WDR37: variants seen among roughly 807,000 people sequenced by gnomAD.
WDR37 encodes WD repeat domain 37.
A neutral mutation model predicts 62.9 loss-of-function variants in WDR37; 19 were observed. The ratio of observed to expected loss-of-function variants is 0.30; its 90% CI spans 0.21 to 0.44. WDR37 has a LOEUF of 0.44. Among genes scored for constraint, WDR37 ranks in the 20% least tolerant of loss-of-function variants. The pLI is 1.00. For synonymous variants in WDR37, 250 were observed against 260.9 expected (o/e 0.96, Z 0.40); for missense variants, 474 against 657.6 (o/e 0.72, Z 3.05).
In WDR37 at chr10:1,072,132, C is replaced by T. The variant is rs1308896575; in HGVS notation, c.-24C>T. 2.5e-6 allele frequency: 4 copies of T among 1,613,228 alleles called. No individual in the cohort carries two copies. Among genetic ancestry groups the T allele is most frequent in the Non-Finnish European group, 3.4e-6 (4 of 1,179,506 alleles). On this transcript the variant is annotated 5_prime_UTR_variant, in exon 2 of 14. Transcript: ENST00000263150. ...TGTTTTTAGCTTATTGCAGGAGTGA[C>T]CAGGACACTACCTCCTAGAAGTAAT... is the stretch of plus-strand genomic sequence containing the variant.
At chr10:1,091,217 GT>G (rs1315483898) in intron 7 of WDR37, among the ~76,000 whole-genome samples, 4 of 152,140 alleles carry the variant, frequency 2.6e-5, no homozygotes, top group Admixed American at 2.0e-4. Flanking sequence ...GCCCAGCTTC[GT>G]TTGTGATTAG....
chr10:1,117,739 C>T (rs1835450247), intron 11 of WDR37, among the ~76,000 whole-genome samples: 1 of 152,200 alleles, frequency 6.6e-6, no homozygotes, highest in Admixed American at 6.5e-5. Context: ...CTGCCTAAAG[C>T]GTCAGCTGAC....
intron 8 of WDR37, among the ~76,000 whole-genome samples, chr10:1,094,747 G>C (rs1478996965): frequency 6.6e-6 from 1 of 152,174 alleles, no homozygotes; most frequent in African/African-American, 2.4e-5. Flanking sequence ...TGGACATAGA[G>C]AGGGGAGAGT....
At chr10:1,107,023 G>T (rs1835044814) in intron 11 of WDR37, among the ~76,000 whole-genome samples, 1 of 152,238 alleles carries the variant, frequency 6.6e-6, no homozygotes, top group Non-Finnish European at 1.5e-5. Flanking sequence ...GATAGCCATA[G>T]TAATACAGAC....
In WDR37 at chr10:1,108,739, G is replaced by GC. The variant is rs3055726; in HGVS notation, c.1103+3484dup. Among the ~76,000 whole-genome samples the GC allele has an allele frequency of 3.3e-3, 371 of 111,884 alleles. 16 individuals are homozygous for GC. The highest frequency in any genetic ancestry group is 0.014 in the Middle Eastern group (3 of 220). The allele number at this position is 111,884 out of a possible 152,430, so 73.4% of individuals were successfully genotyped here. Reference sequence around the variant, plus strand: ...TTGCTTTGGTTTTGGCTTCTGTGATGCCCCCCCCCCCCGTGGAACCTGCAG... The same window carrying GC: ...TTGCTTTGGTTTTGGCTTCTGTGATGCCCCCCCCCCCCCGTGGAACCTGCAG... On this transcript the variant is annotated intron_variant, in intron 11 of 13. Transcript: ENST00000263150.
At position 1,131,584 on chromosome 10, in the gene WDR37, C is replaced by T. The variant is rs370107441; in HGVS notation, c.*2240C>T. On this transcript the variant is annotated 3_prime_UTR_variant, in exon 14 of 14. Transcript: ENST00000263150. The stretch of plus-strand genomic sequence containing the variant: ...GTGCTCAGGCAGAGCTCTCAGGAGC[C>T]GGGGCACCTTGCTGTTCGCTGCTGT... The T allele has an allele frequency of 1.2e-4, 18 of 152,184 alleles. No individual in the cohort carries two copies. Among genetic ancestry groups the T allele is most frequent in the African/African-American group, 3.9e-4 (16 of 41,420 alleles). The allele number at this position is 152,184 out of a possible 1,614,324, so 9.4% of individuals were successfully genotyped here.
intron 11 of WDR37, among the ~76,000 whole-genome samples, chr10:1,115,324 A>G (rs919078586): frequency 1.3e-5 from 2 of 152,248 alleles, no homozygotes; most frequent in African/African-American, 4.8e-5. Context: ...AAAGAAAACA[A>G]AACACACATC....
rs200599689 is a variant in WDR37, at chr10:1,069,391, T to TATATATA, written c.-40-2725_-40-2724insATATATA. ...AAAGAATATATATATATATATATAT[T>TATATATA]TTTTTTTTTTTTTTTTGCAGCAGGT... is the stretch of plus-strand genomic sequence containing the variant. On this transcript the variant is annotated intron_variant, in intron 1 of 13. Transcript: ENST00000263150. Among the ~76,000 whole-genome samples the TATATATA allele has an allele frequency of 7.2e-3, 331 of 45,874 alleles. 1 individual carries two copies. The highest frequency in any genetic ancestry group is 9.8e-3 in the Non-Finnish European group (264 of 27,026). The allele number at this position is 45,874 out of a possible 152,430, so 30.1% of individuals were successfully genotyped here.
chr10:1,098,198 A>T lies in WDR37; in HGVS notation c.726+1952A>T, dbSNP rs191369591. ...CTGAGAAAGTGGTTAAAGCAAAATG[A>T]GGTAGTGGAGGGGATGCCCTGATCC... On this transcript the variant is annotated intron_variant, in intron 9 of 13. Transcript: ENST00000263150. 2.7e-3 allele frequency among the ~76,000 whole-genome samples: 417 copies of T among 152,150 alleles called. 1 individual carries two copies. Among genetic ancestry groups the T allele is most frequent in the African/African-American group, 9.0e-3 (375 of 41,502 alleles).
intron 11 of WDR37, among the ~76,000 whole-genome samples, chr10:1,120,302 G>A (rs1443311695): frequency 6.6e-6 from 1 of 152,230 alleles, no homozygotes; most frequent in Non-Finnish European, 1.5e-5. Flanking sequence ...GAAGTTGCAG[G>A]AAGGGCTCTG....
intron 7 of WDR37, among the ~76,000 whole-genome samples, chr10:1,089,319 G>T (rs1834305051): frequency 6.6e-6 from 1 of 152,158 alleles, no homozygotes; most frequent in South Asian, 2.1e-4. Context: ...GCTCCGGCTG[G>T]TCTCTGTGCC....
At chr10:1,089,175 C>T (rs545968953) in intron 7 of WDR37, among the ~76,000 whole-genome samples, 31 of 152,110 alleles carry the variant, frequency 2.0e-4, no homozygotes, top group African/African-American at 2.6e-4. Flanking sequence ...GCTTGGTGTC[C>T]GCCCTCATGC....
At chr10:1,075,755 A>G (rs1312706144) in intron 2 of WDR37, among the ~76,000 whole-genome samples, 2 of 150,940 alleles carry the variant, frequency 1.3e-5, no homozygotes, top group African/African-American at 4.9e-5. Context: ...AGTTCAGCAC[A>G]AGCTTATGTT....
At position 1,096,180 on chromosome 10, in the gene WDR37, T is replaced by C. The variant is rs1158594339; in HGVS notation, c.660T>C (p.Asp220=). The change falls in exon 9 of 14, where the codon GAT becomes GAC. Residue 220 remains aspartate, a synonymous_variant. Transcript: ENST00000263150. The stretch of plus-strand genomic sequence containing the variant: ...GATTTCTCTCTTCAGCTTCTGGAGA[T>C]CAGACTGCTCATATCTGGAGATACG... ...SEQLALTASG[D]QTAHIWRYAV... 2 of 1,614,010 alleles carry C rather than the reference T, an allele frequency of 1.2e-6. No individual in the cohort carries two copies. Among genetic ancestry groups the C allele is most frequent in the Non-Finnish European group, 1.7e-6 (2 of 1,180,022 alleles).
At chr10:1,089,787 T>C (rs982513710) in intron 7 of WDR37, among the ~76,000 whole-genome samples, 2 of 152,228 alleles carry the variant, frequency 1.3e-5, no homozygotes, top group African/African-American at 2.4e-5. Context: ...CGGTGTCGTC[T>C]CTTCGCTCAT....
chr10:1,129,649 C>T lies in WDR37; in HGVS notation c.*305C>T. 3.9e-6 allele frequency: 1 copy of T among 255,746 alleles called. No individual in the cohort carries two copies. Among genetic ancestry groups the T allele is most frequent in the Non-Finnish European group, 7.6e-6 (1 of 131,404 alleles). 15.8% of individuals were successfully genotyped at this position (255,746 alleles called of 1,614,324 possible). A position where few individuals can be genotyped will look rare whatever the true frequency, so the allele number is the denominator to read the frequency against. Reference sequence around the variant, plus strand: ...GACATTGGACAGGTGAACAGTAGGGCATTACATTTGTGTGAATTAAATGTG... The same window carrying T: ...GACATTGGACAGGTGAACAGTAGGGTATTACATTTGTGTGAATTAAATGTG... On this transcript the variant is annotated 3_prime_UTR_variant, in exon 14 of 14. Coordinates refer to ENST00000263150, the MANE Select transcript of WDR37 (RefSeq NM_014023.4).
chr10:1,074,157 A>G lies in WDR37; in HGVS notation c.138+1864A>G, dbSNP rs577110942. Among the ~76,000 whole-genome samples the G allele has an allele frequency of 1.9e-4, 29 of 152,326 alleles. No individual in the cohort carries two copies. The East Asian group carries it at 4.4e-3, about 23-fold the overall frequency. On this transcript the variant is annotated intron_variant, in intron 2 of 13. Coordinates refer to ENST00000263150, the MANE Select transcript of WDR37 (RefSeq NM_014023.4). Reference sequence around the variant, plus strand: ...GTCAGATGTGGCAAGTGGCTACCCTATTGGACAGTGTGAGTAAGCAGTCCA... The same window carrying G: ...GTCAGATGTGGCAAGTGGCTACCCTGTTGGACAGTGTGAGTAAGCAGTCCA...
chr10:1,091,020 G>A (rs376152635), intron 7 of WDR37, among the ~76,000 whole-genome samples: 36 of 152,350 alleles, frequency 2.4e-4, no homozygotes, highest in South Asian at 8.3e-4. Context: ...TTATACAGGC[G>A]TGGTTTTCAT....
chr10:1,059,335 C>G (rs1833301006), intron 1 of WDR37, among the ~76,000 whole-genome samples: 2 of 152,144 alleles, frequency 1.3e-5, no homozygotes, highest in African/African-American at 4.8e-5. Flanking sequence ...GAGATCACGC[C>G]ACTGCCCTCC....
Sources: gnomAD v4.1 joint callset for allele counts (sites outside exome capture counted in the v4.1 genomes callset) on GRCh38, gnomAD v4.1.1 for gene constraint, MANE v1.5 for transcripts, NCBI Gene and HGNC (gene_info 2026-07-23, HGNC 2026-07-21) for gene names.